The following GALNT9 variants were observed in gnomAD, a reference collection of about 807,000 sequenced individuals.
GALNT9 encodes polypeptide N-acetylgalactosaminyltransferase 9.
In GALNT9, 47 loss-of-function variants were observed where a neutral mutation model predicts 63.1. That is an observed-to-expected ratio of 0.75 (90% CI 0.59 to 0.95). The LOEUF (loss-of-function observed/expected upper bound fraction) is 0.95. Among genes scored for constraint, GALNT9 ranks in the 40% least tolerant of loss-of-function variants. The pLI is 0.00. For missense variants in GALNT9, 829 were observed against 874.8 expected (o/e 0.95, Z 0.66); for synonymous variants, 396 against 365.7 (o/e 1.08, Z -0.94).
At chr12:132,306,597 C>G (rs888980434) in intron 1 of GALNT9, among the ~76,000 whole-genome samples, 2 of 152,184 alleles carry the variant, frequency 1.3e-5, no homozygotes, top group African/African-American at 4.8e-5. Context: ...CCACCTGCCC[C>G]GGCATTGCTG....
In GALNT9 at chr12:132,203,614, T is replaced by C. The variant is rs753342966; in HGVS notation, c.1154A>G (p.Tyr385Cys). The C allele has an allele frequency of 6.2e-7, 1 of 1,613,914 alleles. No individual in the cohort carries two copies. The highest frequency in any genetic ancestry group is 8.5e-7 in the Non-Finnish European group (1 of 1,179,834). The change falls in exon 7 of 11, where the codon TAC becomes TGC. Residue 385 changes from tyrosine (Y) to cysteine (C), a missense_variant. Tyr to Cys is a radical substitution (Grantham distance 194). Transcript: ENST00000328957. ...GGCATAGTAGTCAATGTCGTTGTTG[T>C]AGGGCTTCCTGGTGCGCTCGATGTG... ...VAHIERTRKPYNNDIDYYAKR... is the reference protein window; with the variant it reads ...VAHIERTRKPCNNDIDYYAKR...
At chr12:132,248,395 G>A (rs1378897613) in intron 5 of GALNT9, among the ~76,000 whole-genome samples, 1 of 152,204 alleles carries the variant, frequency 6.6e-6, no homozygotes, top group Admixed American at 6.5e-5. Flanking sequence ...GATCACTGGA[G>A]CCTGGGAATT....
rs1868676638 is a variant in GALNT9, at chr12:132,319,409, T to G, written c.238+9557A>C. Among the ~76,000 whole-genome samples, 1 of 152,132 alleles carries G rather than the reference T, an allele frequency of 6.6e-6. No individual in the cohort carries two copies. Among genetic ancestry groups the G allele is most frequent in the Admixed American group, 6.5e-5 (1 of 15,276 alleles). ...GGGTGGAGCTGCCAGGTCTCGGGCC[T>G]TTGGAGTAGAAGTTATGCCGTTTTC... On this transcript the variant is annotated intron_variant, in intron 1 of 10. Coordinates refer to ENST00000328957, the MANE Select transcript of GALNT9 (RefSeq NM_001122636.2). The surrounding 1 kb of genome is among the most constrained non-coding windows in gnomAD (Gnocchi z 5.2).
chr12:132,282,683 G>A lies in GALNT9; in HGVS notation c.419+3567C>T, dbSNP rs1035691783. 6.6e-6 allele frequency: 1 copy of A among 152,104 alleles called. No homozygotes were observed. Among genetic ancestry groups the A allele is most frequent in the Non-Finnish European group, 1.5e-5 (1 of 68,050 alleles). 9.4% of individuals were successfully genotyped at this position (152,104 alleles called of 1,614,324 possible). A position where few individuals can be genotyped will look rare whatever the true frequency, so the allele number is the denominator to read the frequency against. Reference sequence around the variant, plus strand: ...CCTGTTTTTTTCTCGATGGCCCGCTGGTAATTCCAGAATTCACTCTGACTG... The same window carrying A: ...CCTGTTTTTTTCTCGATGGCCCGCTAGTAATTCCAGAATTCACTCTGACTG... On this transcript the variant is annotated intron_variant, in intron 2 of 10. Transcript: ENST00000328957. The surrounding 1 kb of genome is among the most constrained non-coding windows in gnomAD (Gnocchi z 4.5).
intron 6 of GALNT9, among the ~76,000 whole-genome samples, chr12:132,209,172 G>A (rs1876849690): frequency 1.3e-5 from 2 of 152,158 alleles, no homozygotes. Context: ...GGCACTCTAA[G>A]TCACAGGATG....
chr12:132,224,812 TACAC>T (rs1170184637), intron 6 of GALNT9, among the ~76,000 whole-genome samples: 1 of 98,322 alleles, frequency 1.0e-5, no homozygotes. Context: ...CCCACACACA[TACAC>T]ACCCTCCCAC....
At chr12:132,324,263 G>A (rs1555246346) in intron 1 of GALNT9, among the ~76,000 whole-genome samples, 2 of 152,160 alleles carry the variant, frequency 1.3e-5, no homozygotes, top group South Asian at 2.1e-4. Context: ...AGTGGGGGCC[G>A]CAGGACATTC....
chr12:132,319,988 C>A lies in GALNT9; in HGVS notation c.238+8978G>T, dbSNP rs1868707666. On this transcript the variant is annotated intron_variant, in intron 1 of 10. Coordinates refer to ENST00000328957, the MANE Select transcript of GALNT9 (RefSeq NM_001122636.2). This position sits in a 1 kb window ranked among gnomAD's most constrained non-coding sequence, Gnocchi z 5.2. ...GGCCCCCACCGCTGGGTCACGCTAT[C>A]CCCTCTGCCAGAACCACTGGGCCAC... is the stretch of plus-strand genomic sequence containing the variant. Among the ~76,000 whole-genome samples the A allele has an allele frequency of 6.6e-6, 1 of 152,152 alleles. No individual in the cohort carries two copies. The highest frequency in any genetic ancestry group is 2.1e-4 in the South Asian group (1 of 4,812).
At chr12:132,225,982 CCACA>C (rs1358634816) in intron 6 of GALNT9, among the ~76,000 whole-genome samples, 4 of 147,926 alleles carry the variant, frequency 2.7e-5, no homozygotes, top group Non-Finnish European at 4.5e-5. Context: ...TGTACACACC[CCACA>C]CACATACACC....
At chr12:132,199,616 G>A (rs953124644) in intron 8 of GALNT9, among the ~76,000 whole-genome samples, 48 of 152,224 alleles carry the variant, frequency 3.2e-4, no homozygotes, top group African/African-American at 5.5e-4. Flanking sequence ...GGTAGAGACC[G>A]CTCGCCAGCC....
At chr12:132,201,490 C>T (rs1193671177) in intron 7 of GALNT9, among the ~76,000 whole-genome samples, 1 of 152,196 alleles carries the variant, frequency 6.6e-6, no homozygotes, top group East Asian at 1.9e-4. Flanking sequence ...GAGGCCAGCC[C>T]CGGCCTGGAC....
At position 132,279,933 on chromosome 12, in the gene GALNT9, G is replaced by A. The variant is rs1351857077; in HGVS notation, c.419+6317C>T. 2 of 151,704 alleles carry A rather than the reference G, an allele frequency of 1.3e-5. No homozygotes were observed. The highest frequency in any genetic ancestry group is 1.3e-4 in the Admixed American group (2 of 15,246). The allele number at this position is 151,704 out of a possible 1,614,324, so 9.4% of individuals were successfully genotyped here. On this transcript the variant is annotated intron_variant, in intron 2 of 10. Coordinates refer to ENST00000328957, the MANE Select transcript of GALNT9 (RefSeq NM_001122636.2). The surrounding 1 kb of genome is among the most constrained non-coding windows in gnomAD (Gnocchi z 4.1). Reference sequence around the variant, plus strand: ...ATGCCCAGTGTCCTCCAGGTCTCCTGGATTCACTTCCTGAATGCCCAGTGT... The same window carrying A: ...ATGCCCAGTGTCCTCCAGGTCTCCTAGATTCACTTCCTGAATGCCCAGTGT...
At chr12:132,251,808 A>C (rs1878926710) in intron 5 of GALNT9, among the ~76,000 whole-genome samples, 1 of 152,072 alleles carries the variant, frequency 6.6e-6, no homozygotes, top group South Asian at 2.1e-4. Flanking sequence ...TTGATCCTGG[A>C]GGGGCTGGTG....
chr12:132,211,125 G>A (rs1469408291), intron 6 of GALNT9, among the ~76,000 whole-genome samples: 1 of 152,152 alleles, frequency 6.6e-6, no homozygotes, highest in Non-Finnish European at 1.5e-5. Context: ...GAATTGGGCT[G>A]CAAAGTTTTG....
chr12:132,316,238 C>T lies in GALNT9; in HGVS notation c.238+12728G>A, dbSNP rs543477201. ...GCTGGATCACAGTCAGTGCCTGCCC[C>T]GGGCCCCGACCTGCAAAGGGGGGTG... On this transcript the variant is annotated intron_variant, in intron 1 of 10. Transcript: ENST00000328957. The surrounding 1 kb of genome is among the most constrained non-coding windows in gnomAD (Gnocchi z 4.3). Among the ~76,000 whole-genome samples, 5 of 152,168 alleles carry T rather than the reference C, an allele frequency of 3.3e-5. No homozygotes were observed. Among genetic ancestry groups the T allele is most frequent in the East Asian group, 3.9e-4 (2 of 5,162 alleles).
intron 1 of GALNT9, among the ~76,000 whole-genome samples, chr12:132,323,576 G>A (rs890144505): frequency 2.0e-5 from 3 of 152,226 alleles, no homozygotes; most frequent in Non-Finnish European, 4.4e-5. Context: ...TGTGAGTGCA[G>A]GCAAGGAAGA....
At chr12:132,209,680 C>CCCCCCAGCACCAAGACAGTT (rs1384356559) in intron 6 of GALNT9, among the ~76,000 whole-genome samples, 1 of 152,130 alleles carries the variant, frequency 6.6e-6, no homozygotes, top group Non-Finnish European at 1.5e-5. Context: ...AAAAGACACT[C>CCCCCCAGCACCAAGACAGTT]CCCCCAGCAC....
At chr12:132,305,133 A>G (rs1555244492) in intron 1 of GALNT9, among the ~76,000 whole-genome samples, 6 of 70,752 alleles carry the variant, frequency 8.5e-5, no homozygotes, top group East Asian at 6.3e-4. Context: ...ACCCGGGCAC[A>G]GCCTCGCCCG....
At chr12:132,226,054 C>T (rs1193874961) in intron 6 of GALNT9, among the ~76,000 whole-genome samples, 1 of 147,150 alleles carries the variant, frequency 6.8e-6, no homozygotes, top group Non-Finnish European at 1.5e-5. Context: ...ATACACACAC[C>T]CCACACTGTA....
Sources: allele counts gnomAD v4.1 joint callset (sites outside exome capture counted in the v4.1 genomes callset), GRCh38; gene constraint gnomAD v4.1.1; non-coding constraint Gnocchi (gnomAD v3.1); transcripts MANE v1.5; gene names NCBI Gene and HGNC (gene_info 2026-07-23, HGNC 2026-07-21).